Variants in FARS2 observed in about 807,000 individuals in gnomAD.
FARS2 encodes the protein phenylalanyl-tRNA synthetase 2, mitochondrial, also known as phenylalanine--tRNA ligase, mitochondrial.
FARS2 carries 40 observed loss-of-function variants against 46.4 expected under a neutral mutation model. That is an observed-to-expected ratio of 0.86 (90% CI 0.67 to 1.12). FARS2 has a LOEUF of 1.12. Ranked by LOEUF, FARS2 falls within the 50% of genes most tolerant of loss-of-function variation. FARS2 has a pLI of 0.00. For synonymous variants in FARS2, 234 were observed against 214.9 expected, an observed-to-expected ratio of 1.09 and a Z score of -0.78; for missense variants, 513 against 567.9, an observed-to-expected ratio of 0.90 and a Z score of 0.98.
At chr6:5,688,588 C>T (rs1379041784) in intron 6 of FARS2, among the ~76,000 whole-genome samples, 4 of 152,152 alleles carry the variant, frequency 2.6e-5, no homozygotes, top group African/African-American at 4.8e-5. Flanking sequence ...TGATGTGCTG[C>T]TGGATTTGGT....
intron 6 of FARS2, among the ~76,000 whole-genome samples, chr6:5,749,690 G>A (rs189782739): frequency 1.7e-4 from 26 of 152,310 alleles, no homozygotes; most frequent in East Asian, 5.8e-4. Flanking sequence ...TACAGTTTAT[G>A]AAGTAAAAAG....
At chr6:5,723,993 C>T (rs1035328214) in intron 6 of FARS2, among the ~76,000 whole-genome samples, 2 of 130,202 alleles carry the variant, frequency 1.5e-5, no homozygotes, top group Admixed American at 7.6e-5. Context: ...GTCCACCGCA[C>T]AGGGGCTGTC....
chr6:5,771,534 T>C lies in FARS2; in HGVS notation c.*105T>C. 1 of 1,237,552 alleles carries C rather than the reference T, an allele frequency of 8.1e-7. No individual in the cohort carries two copies. Among genetic ancestry groups the C allele is most frequent in the Non-Finnish European group, 1.1e-6 (1 of 886,244 alleles). The allele number at this position is 1,237,552 out of a possible 1,614,324, so 76.7% of individuals were successfully genotyped here. On this transcript the variant is annotated 3_prime_UTR_variant, in exon 7 of 7. Transcript: ENST00000274680. ...GGGGCATCAATCATCTTTTGATAAA[T>C]GGATCAGTTTTAGGACTTTCAGAAA...
intron 5 of FARS2, among the ~76,000 whole-genome samples, chr6:5,549,781 G>A (rs1017158054): frequency 2.0e-5 from 3 of 152,142 alleles, no homozygotes; most frequent in African/African-American, 7.2e-5. Flanking sequence ...TCTTTGGGTA[G>A]GGTTGGGGGC....
At chr6:5,380,004 T>A (rs1157636474) in intron 2 of FARS2, among the ~76,000 whole-genome samples, 2 of 152,222 alleles carry the variant, frequency 1.3e-5, no homozygotes, top group African/African-American at 4.8e-5. Context: ...TAGAAGCCTT[T>A]AGGGAGATAG....
chr6:5,501,786 C>T (rs918574431), intron 4 of FARS2, among the ~76,000 whole-genome samples: 14 of 152,300 alleles, frequency 9.2e-5, no homozygotes, highest in South Asian at 4.2e-4. Context: ...TGAGCCACCA[C>T]GCCCAGCTGG....
At chr6:5,270,611 G>C (rs1377766087) in intron 1 of FARS2, among the ~76,000 whole-genome samples, 1 of 152,130 alleles carries the variant, frequency 6.6e-6, no homozygotes, top group African/African-American at 2.4e-5. Context: ...TGGTGGTCAG[G>C]TATGTTCCTT....
At chr6:5,424,192 T>C (rs1057104862) in intron 3 of FARS2, among the ~76,000 whole-genome samples, 6 of 152,216 alleles carry the variant, frequency 3.9e-5, no homozygotes, top group Non-Finnish European at 8.8e-5. Context: ...ACTCTCATTG[T>C]ATTCTTCCAC....
chr6:5,558,560 G>A lies in FARS2; in HGVS notation c.1065+13220G>A, dbSNP rs558850749. Among the ~76,000 whole-genome samples the A allele has an allele frequency of 6.8e-4, 103 of 151,724 alleles. 1 individual carries two copies. The South Asian group carries it at 9.2e-3, about 13-fold the overall frequency. ...ATTTATTTGTTTATTTTTTTGAGAC[G>A]GAGTCTCTCTCTGTCCCCCAGGCTC... On this transcript the variant is annotated intron_variant, in intron 5 of 6. Coordinates refer to ENST00000274680, the MANE Select transcript of FARS2 (RefSeq NM_006567.5).
At chr6:5,288,887 A>C (rs1200311943) in intron 1 of FARS2, among the ~76,000 whole-genome samples, 1 of 152,214 alleles carries the variant, frequency 6.6e-6, no homozygotes, top group Non-Finnish European at 1.5e-5. Flanking sequence ...CTCCATCATG[A>C]AAATGTTGCA....
intron 2 of FARS2, among the ~76,000 whole-genome samples, chr6:5,399,981 T>C (rs1287033000): frequency 6.6e-6 from 1 of 152,188 alleles, no homozygotes; most frequent in Non-Finnish European, 1.5e-5. Context: ...GGTAAGTAGT[T>C]AGAAATGGAA....
rs140902633 is a variant in FARS2 at position 5,665,942 on chromosome 6, G to A, written c.1217+52622G>A. 1.2e-3 allele frequency among the ~76,000 whole-genome samples: 182 copies of A among 152,260 alleles called. 1 individual carries two copies. The highest frequency in any genetic ancestry group is 4.2e-3 in the African/African-American group (173 of 41,540). ...GGAGGAGTTGGTGAGGTGGCTGAAT[G>A]TCATGAGGGTTTGGAGAGGAGGTGG... On this transcript the variant is annotated intron_variant, in intron 6 of 6. Coordinates refer to ENST00000274680, the MANE Select transcript of FARS2 (RefSeq NM_006567.5).
intron 6 of FARS2, among the ~76,000 whole-genome samples, chr6:5,752,531 G>A (rs1391575727): frequency 6.6e-6 from 1 of 152,124 alleles, no homozygotes; most frequent in Non-Finnish European, 1.5e-5. Flanking sequence ...GCCACAAACA[G>A]CCAGGTCTCC....
At chr6:5,610,653 A>G (rs916033217) in intron 5 of FARS2, among the ~76,000 whole-genome samples, 1 of 152,178 alleles carries the variant, frequency 6.6e-6, no homozygotes, top group Non-Finnish European at 1.5e-5. Context: ...AGGGACGACT[A>G]TATGCAGTTA....
intron 6 of FARS2, among the ~76,000 whole-genome samples, chr6:5,709,136 A>G (rs1192549897): frequency 6.6e-6 from 1 of 152,070 alleles, no homozygotes; most frequent in Non-Finnish European, 1.5e-5. Flanking sequence ...GAGGAGAAAC[A>G]TTTTCATTTC....
At chr6:5,405,860 C>T (rs1761560103) in intron 3 of FARS2, among the ~76,000 whole-genome samples, 1 of 152,106 alleles carries the variant, frequency 6.6e-6, no homozygotes, top group Non-Finnish European at 1.5e-5. Context: ...ATACTGATTA[C>T]CACTATCAAC....
At chr6:5,356,123 C>G (rs1342042817) in intron 1 of FARS2, among the ~76,000 whole-genome samples, 2 of 152,180 alleles carry the variant, frequency 1.3e-5, no homozygotes, top group African/African-American at 4.8e-5. Flanking sequence ...TCACGCCTTT[C>G]TGTGCTGTTT....
rs1303128565 is a variant in FARS2, at chr6:5,264,056, A to G, written c.-22+2396A>G. Reference sequence around the variant, plus strand: ...GCAAAACCCCATCTATACAAAAAATACATCATAGCGAAACCTCACCTCTAC... The same window carrying G: ...GCAAAACCCCATCTATACAAAAAATGCATCATAGCGAAACCTCACCTCTAC... On this transcript the variant is annotated intron_variant, in intron 1 of 6. Transcript: ENST00000274680. Among the ~76,000 whole-genome samples the G allele has an allele frequency of 3.3e-5, 5 of 152,118 alleles. No homozygotes were observed. The East Asian group carries it at 7.7e-4, about 23-fold the overall frequency.
intron 4 of FARS2, among the ~76,000 whole-genome samples, chr6:5,481,278 T>C (rs1200311430): frequency 6.6e-6 from 1 of 152,172 alleles, no homozygotes; most frequent in Non-Finnish European, 1.5e-5. Flanking sequence ...GCGGACGTGT[T>C]AATAGGCAGG....
Sources: allele counts gnomAD v4.1 joint callset (sites outside exome capture counted in the v4.1 genomes callset), GRCh38; gene constraint gnomAD v4.1.1; transcripts MANE v1.5; gene names NCBI Gene and HGNC (gene_info 2026-07-23, HGNC 2026-07-21).